POLR1G: variants seen among roughly 807,000 people sequenced by gnomAD.
The protein encoded by POLR1G is RNA polymerase I subunit G, also known as DNA-directed RNA polymerase I subunit RPA34.
POLR1G carries 9 observed loss-of-function variants against 6.3 expected under a neutral mutation model. The observed-to-expected ratio is 1.44, with a 90% CI of 0.87 to 2.51. The LOEUF (loss-of-function observed/expected upper bound fraction) is 2.51. Ranked by LOEUF, POLR1G falls within the 30% of genes most tolerant of loss-of-function variation. The pLI is 0.00. For missense variants in POLR1G, 617 were observed against 632.5 expected (o/e 0.98, Z 0.26); for synonymous variants, 248 against 256.5 (o/e 0.97, Z 0.32).
In POLR1G at chr19:45,408,593, G is replaced by A. The variant is rs1394559512; in HGVS notation, c.625G>A (p.Asp209Asn). 10 of 1,613,694 alleles carry A rather than the reference G, an allele frequency of 6.2e-6. No homozygotes were observed. The highest frequency in any genetic ancestry group is 8.5e-6 in the Non-Finnish European group (10 of 1,180,014). The change falls in exon 3 of 3, where the codon GAT becomes AAT. Residue 209 changes from aspartate to asparagine, a missense_variant. Physicochemically the swap from Asp to Asn is conservative, Grantham distance 23. Transcript: ENST00000309424. ...CATGGCTTTGGGGTCGCCAGAAATG[G>A]ATGTGCGGAAGAAGAAGAAGAAAAA... ...VDMALGSPEMDVRKKKKKKNQ... is the reference protein window; with the variant it reads ...VDMALGSPEMNVRKKKKKKNQ...
Position 45,408,209 on chromosome 19 carries a change from C to T in POLR1G, c.241C>T (p.Arg81Ter), listed in dbSNP as rs769657381. 25 of 1,614,076 alleles carry T rather than the reference C, an allele frequency of 1.5e-5. No homozygotes were observed. Among genetic ancestry groups the T allele is most frequent in the Non-Finnish European group, 2.0e-5 (24 of 1,179,956 alleles). Residue 81 changes from arginine to a stop codon, truncating the protein, a stop_gained, in exon 3 of 3, where the codon CGA becomes TGA. Transcript: ENST00000309424. LOFTEE classifies it low-confidence loss of function (END_TRUNC). Reference sequence around the variant, plus strand: ...ATTGGCAGGCAAGCGGCACCGCTATCGAGTCCTCAGCAGCTGTCCCCAAGC... The same window carrying T: ...ATTGGCAGGCAAGCGGCACCGCTATTGAGTCCTCAGCAGCTGTCCCCAAGC... The part of the protein sequence containing the change: ...GKLAGKRHRY[R>*]VLSSCPQAGE...
rs926669060 is a variant in POLR1G at position 45,409,813 on chromosome 19, T to C, written c.*312T>C. On this transcript the variant is annotated 3_prime_UTR_variant, in exon 3 of 3. Transcript: ENST00000309424. ...CTAGAGTGGGGTTTTGGTTCTTTAT[T>C]TTCCCCTATACCCTCAAGCATTTAT... 4 of 717,720 alleles carry C rather than the reference T, an allele frequency of 5.6e-6. No homozygotes were observed. The African/African-American group carries it at 7.0e-5, about 13-fold the overall frequency. 44.5% of individuals were successfully genotyped at this position (717,720 alleles called of 1,614,324 possible). A position where few individuals can be genotyped will look rare whatever the true frequency, so the allele number is the denominator to read the frequency against.
In POLR1G at chr19:45,407,240, G is replaced by C; in HGVS notation, c.164+5G>C. The stretch of plus-strand genomic sequence containing the variant: ...TGCAGACTTTGCCCCAGAATGGTGA[G>C]TGGTCTTGTTGACGGAAAAGAGGGT... On this transcript the variant is annotated splice_donor_5th_base_variant and intron_variant, in intron 2 of 2. Coordinates refer to ENST00000309424, the MANE Select transcript of POLR1G (RefSeq NM_012099.3). 1 of 1,610,818 alleles carries C rather than the reference G, an allele frequency of 6.2e-7. No individual in the cohort carries two copies. Among genetic ancestry groups the C allele is most frequent in the Non-Finnish European group, 8.5e-7 (1 of 1,179,160 alleles).
chr19:45,409,072 G>C lies in POLR1G; in HGVS notation c.1104G>C (p.Gln368His), dbSNP rs1973524658. 6.2e-7 allele frequency: 1 copy of C among 1,613,770 alleles called. No individual in the cohort carries two copies. The highest frequency in any genetic ancestry group is 1.1e-5 in the South Asian group (1 of 91,066). Reference sequence around the variant, plus strand: ...CAGGGGGGACCATGGCGCCTCAACAGCCAGAAGGAGCGAAGCCTCAGGCCC... The same window carrying C: ...CAGGGGGGACCATGGCGCCTCAACACCCAGAAGGAGCGAAGCCTCAGGCCC... ...ESPGGTMAPQ[Q>H]PEGAKPQAQA... Residue 368 changes from glutamine to histidine, a missense_variant, in exon 3 of 3, where the codon CAG (glutamine) becomes CAC (histidine). Physicochemically the swap from Gln to His is conservative, Grantham distance 24 (BLOSUM62 0). Transcript: ENST00000309424.
rs1196188149 is a variant in POLR1G at position 45,409,748 on chromosome 19, TGAG to T, written c.*250_*252del. 1 of 785,650 alleles carries T rather than the reference TGAG, an allele frequency of 1.3e-6. No homozygotes were observed. The highest frequency in any genetic ancestry group is 1.7e-5 in the African/African-American group (1 of 59,342). 48.7% of individuals were successfully genotyped at this position (785,650 alleles called of 1,614,324 possible). On this transcript the variant is annotated 3_prime_UTR_variant, in exon 3 of 3. Coordinates refer to ENST00000309424, the MANE Select transcript of POLR1G (RefSeq NM_012099.3). ...GGCCTGGATGGGAGGGAGAAAAAAATGAGGAACCAGTCATTAAAGGAGCTGTTT... is the reference window on the plus strand; with the variant it reads ...GGCCTGGATGGGAGGGAGAAAAAAATGAACCAGTCATTAAAGGAGCTGTTT...
chr19:45,409,668 G>A lies in POLR1G; in HGVS notation c.*167G>A, dbSNP rs766667054. 2.6e-5 allele frequency: 32 copies of A among 1,231,678 alleles called. No homozygotes were observed. In the Middle Eastern group the frequency reaches 5.7e-4, roughly 22 times the overall value. 76.3% of individuals were successfully genotyped at this position (1,231,678 alleles called of 1,614,324 possible). A position where few individuals can be genotyped will look rare whatever the true frequency, so the allele number is the denominator to read the frequency against. ...TACACTGGGGGTTTCCTTGGCAGCT[G>A]GGGTCATCAGGGTACTTTCAAGAAG... On this transcript the variant is annotated 3_prime_UTR_variant, in exon 3 of 3. Transcript: ENST00000309424.
chr19:45,409,971 A>T lies in POLR1G; in HGVS notation c.*470A>T, dbSNP rs982471978. The T allele has an allele frequency of 5.6e-6, 1 of 177,168 alleles. No homozygotes were observed. Among genetic ancestry groups the T allele is most frequent in the Non-Finnish European group, 1.1e-5 (1 of 88,930 alleles). The allele number at this position is 177,168 out of a possible 1,614,324, so 11.0% of individuals were successfully genotyped here. A position where few individuals can be genotyped will look rare whatever the true frequency, so the allele number is the denominator to read the frequency against. On this transcript the variant is annotated 3_prime_UTR_variant, in exon 3 of 3. Coordinates refer to ENST00000309424, the MANE Select transcript of POLR1G (RefSeq NM_012099.3). ...CAGTGGCGCAATCTCGGCTCACTGC[A>T]AGCTCCGCCTCCCGGGTTCACGCCA...
intron 2 of POLR1G, chr19:45,407,810 C>T (rs1269855508): frequency 7.4e-6 from 2 of 269,156 alleles, no homozygotes; most frequent in South Asian, 1.2e-4. Flanking sequence ...TAATCCCATC[C>T]TTTGGGAGGC....
At position 45,409,896 on chromosome 19, in the gene POLR1G, T is replaced by A. The variant is rs1382361233; in HGVS notation, c.*395T>A. ...TTTTAAGTTATTATTATTATTATTA[T>A]TTTTTTTTTTTTTGAGATGGAGTCT... On this transcript the variant is annotated 3_prime_UTR_variant, in exon 3 of 3. Transcript: ENST00000309424. 3.1e-5 allele frequency: 5 copies of A among 159,420 alleles called. No individual in the cohort carries two copies. The highest frequency in any genetic ancestry group is 2.8e-4 in the South Asian group (1 of 3,632). 9.9% of individuals were successfully genotyped at this position (159,420 alleles called of 1,614,324 possible).
chr19:45,409,363 G>A lies in POLR1G; in HGVS notation c.1395G>A (p.Lys465=), dbSNP rs1231687687. 1 of 1,614,182 alleles carries A rather than the reference G, an allele frequency of 6.2e-7. No homozygotes were observed. The highest frequency in any genetic ancestry group is 8.5e-7 in the Non-Finnish European group (1 of 1,180,038). ...CGGGATCCACCAAGAAGAGGAAGAA[G>A]CAGAGTCAGGAAAGCCGGATGCCAG... The part of the protein sequence containing the change: ...ATPGSTKKRK[K]QSQESRMPET... The change falls in exon 3 of 3, where the codon AAG becomes AAA. Residue 465 remains lysine, a synonymous_variant. Coordinates refer to ENST00000309424, the MANE Select transcript of POLR1G (RefSeq NM_012099.3).
At position 45,409,436 on chromosome 19, in the gene POLR1G, T is replaced by C. The variant is rs2123435439; in HGVS notation, c.1468T>C (p.Ser490Pro). The C allele has an allele frequency of 5.6e-6, 9 of 1,612,648 alleles. No individual in the cohort carries two copies. The highest frequency in any genetic ancestry group is 7.6e-6 in the Non-Finnish European group (9 of 1,179,876). Residue 490 changes from serine to proline, a missense_variant, in exon 3 of 3, where the codon TCT (serine) becomes CCT (proline). Physicochemically the swap from Ser to Pro is moderately conservative, Grantham distance 74 (BLOSUM62 -1). Transcript: ENST00000309424. ...GCCAGGGCCGCCACTGAATTCAGAG[T>C]CTGGGGAGGAGGCTCCCACAGGCCG... ...EMPGPPLNSE[S>P]GEEAPTGRDK...
Position 45,408,723 on chromosome 19 carries a change from A to C in POLR1G, c.755A>C (p.Lys252Thr). Residue 252 changes from lysine (K) to threonine (T), a missense_variant, in exon 3 of 3, where the codon AAG becomes ACG. Transcript: ENST00000309424. The stretch of plus-strand genomic sequence containing the variant: ...GTGCTGTTCCCGTCCACCACCAAGA[A>C]GAGGAAGAAGCCCAAAGGGAAAGAA... ...LGVLFPSTTKKRKKPKGKETF... is the reference protein window; with the variant it reads ...LGVLFPSTTKTRKKPKGKETF... 2 of 1,614,022 alleles carry C rather than the reference A, an allele frequency of 1.2e-6. No homozygotes were observed. The highest frequency in any genetic ancestry group is 1.7e-6 in the Non-Finnish European group (2 of 1,180,004).
rs3212986 is a variant in POLR1G at position 45,409,478 on chromosome 19, C to A, written c.1510C>A (p.Gln504Lys). 413,209 of 1,605,796 alleles carry A rather than the reference C, an allele frequency of 0.26. 54,211 individuals are homozygous for A. The highest frequency in any genetic ancestry group is 0.39 in the Admixed American group (23,160 of 58,978). The change falls in exon 3 of 3, where the codon CAG (glutamine) becomes AAG (lysine). Residue 504 changes from glutamine (Q) to lysine (K), a missense_variant. Transcript: ENST00000309424. ...CACAGGCCGGGACAAGAAGCGGAAG[C>A]AGCAGCAGCAGCAGCCTGTGTAGTC... Reference protein sequence around the residue: ...APTGRDKKRKQQQQQPV With the variant: ...APTGRDKKRKKQQQQPV
chr19:45,408,209 C>A lies in POLR1G; in HGVS notation c.241C>A (p.Arg81=). The A allele has an allele frequency of 6.2e-7, 1 of 1,614,076 alleles. No homozygotes were observed. The highest frequency in any genetic ancestry group is 8.5e-7 in the Non-Finnish European group (1 of 1,179,956). The change falls in exon 3 of 3, where the codon CGA becomes AGA. Residue 81 remains arginine, a synonymous_variant. Transcript: ENST00000309424. ...ATTGGCAGGCAAGCGGCACCGCTAT[C>A]GAGTCCTCAGCAGCTGTCCCCAAGC... ...GKLAGKRHRY[R]VLSSCPQAGE...
In POLR1G at chr19:45,409,685, T is replaced by G; in HGVS notation, c.*184T>G. ...TGGCAGCTGGGGTCATCAGGGTACT[T>G]TCAAGAAGGGCTCGTGCAGGACATC... is the stretch of plus-strand genomic sequence containing the variant. On this transcript the variant is annotated 3_prime_UTR_variant, in exon 3 of 3. Transcript: ENST00000309424. 1 of 1,083,718 alleles carries G rather than the reference T, an allele frequency of 9.2e-7. No homozygotes were observed. The highest frequency in any genetic ancestry group is 1.4e-6 in the Non-Finnish European group (1 of 695,966). 67.1% of individuals were successfully genotyped at this position (1,083,718 alleles called of 1,614,324 possible). A position where few individuals can be genotyped will look rare whatever the true frequency, so the allele number is the denominator to read the frequency against.
In POLR1G at chr19:45,409,892, A is replaced by ATTTTTTTTTTTT. The variant is rs200386912; in HGVS notation, c.*393_*394insTTTTTTTTTTTT. ...ATCTTTTTAAGTTATTATTATTATT[A>ATTTTTTTTTTTT]TTATTTTTTTTTTTTTTGAGATGGA... On this transcript the variant is annotated 3_prime_UTR_variant, in exon 3 of 3. Coordinates refer to ENST00000309424, the MANE Select transcript of POLR1G (RefSeq NM_012099.3). 29 of 206,468 alleles carry ATTTTTTTTTTTT rather than the reference A, an allele frequency of 1.4e-4. 2 individuals carry two copies. The highest frequency in any genetic ancestry group is 5.4e-4 in the African/African-American group (13 of 23,942). 12.8% of individuals were successfully genotyped at this position (206,468 alleles called of 1,614,324 possible).
rs772941647 is a variant in POLR1G at position 45,409,129 on chromosome 19, G to A, written c.1161G>A (p.Thr387=). 7 of 1,613,162 alleles carry A rather than the reference G, an allele frequency of 4.3e-6. No homozygotes were observed. Among genetic ancestry groups the A allele is most frequent in the Admixed American group, 3.3e-5 (2 of 59,956 alleles). The part of the protein sequence containing the change: ...QAALAAPKKK[T]KKEKQQDATV... ...CTCTGGCAGCTCCCAAAAAGAAGAC[G>A]AAGAAAGAAAAACAGCAAGATGCCA... Residue 387 remains threonine (T), a synonymous_variant, in exon 3 of 3, where the codon ACG becomes ACA. Transcript: ENST00000309424.
chr19:45,408,198 G>A lies in POLR1G; in HGVS notation c.230G>A (p.Arg77Gln), dbSNP rs140862830. The change falls in exon 3 of 3, where the codon CGG becomes CAG. Residue 77 changes from arginine to glutamine, a missense_variant. By Grantham distance (43) the Arg-to-Gln change is conservative. Transcript: ENST00000309424. ...QIVKGKLAGK[R>Q]HRYRVLSSCP... ...GTCAAGGGCAAATTGGCAGGCAAGC[G>A]GCACCGCTATCGAGTCCTCAGCAGC... The A allele has an allele frequency of 5.1e-5, 83 of 1,613,382 alleles. No homozygotes were observed. Among genetic ancestry groups the A allele is most frequent in the Non-Finnish European group, 6.4e-5 (76 of 1,179,588 alleles).
chr19:45,408,558 T>C lies in POLR1G; in HGVS notation c.590T>C (p.Leu197Pro). 6.2e-7 allele frequency: 1 copy of C among 1,613,118 alleles called. No individual in the cohort carries two copies. The highest frequency in any genetic ancestry group is 8.5e-7 in the Non-Finnish European group (1 of 1,179,774). Residue 197 changes from leucine to proline, a missense_variant, in exon 3 of 3, where the codon CTG (leucine) becomes CCG (proline). By Grantham distance (98) the Leu-to-Pro change is moderately conservative. Transcript: ENST00000309424. ...TQEAVNGHGA[L>P]EVDMALGSPE... ...GAGGCAGTGAATGGGCACGGGGCCC[T>C]GGAGGTGGACATGGCTTTGGGGTCG... is the stretch of plus-strand genomic sequence containing the variant.
Sources: allele counts gnomAD v4.1 joint callset, GRCh38; gene constraint gnomAD v4.1.1; transcripts MANE v1.5; gene names NCBI Gene and HGNC (gene_info 2026-07-23, HGNC 2026-07-21).